The following HS6ST3 variants were observed in gnomAD, a reference collection of about 807,000 sequenced individuals.
The protein encoded by HS6ST3 is heparan-sulfate 6-O-sulfotransferase 3.
HS6ST3 carries 12 observed loss-of-function variants against 36.7 expected under a neutral mutation model. The ratio of observed to expected loss-of-function variants is 0.33; its 90% CI spans 0.21 to 0.53. The LOEUF is 0.53. Ranked by LOEUF, HS6ST3 falls within the 20% of genes least tolerant of loss-of-function variation. The pLI, the probability that HS6ST3 is intolerant of heterozygous loss-of-function variation, is 0.95. For missense variants in HS6ST3, 584 were observed against 640.9 expected (o/e 0.91, Z 0.96); for synonymous variants, 240 against 257.5 (o/e 0.93, Z 0.65).
chr13:96,192,986 G>A (rs896750109), intron 1 of HS6ST3, among the ~76,000 whole-genome samples: 1 of 152,130 alleles, frequency 6.6e-6, no homozygotes, highest in South Asian at 2.1e-4. Flanking sequence ...TGGACTGTCT[G>A]TCAGCCTCCC....
At chr13:96,787,008 A>G (rs1196753138) in intron 1 of HS6ST3, among the ~76,000 whole-genome samples, 1 of 152,144 alleles carries the variant, frequency 6.6e-6, no homozygotes, top group Non-Finnish European at 1.5e-5. Context: ...ACCTTTTTTC[A>G]CATAGCATAT....
At chr13:96,333,697 T>C (rs1049573407) in intron 1 of HS6ST3, among the ~76,000 whole-genome samples, 32 of 152,250 alleles carry the variant, frequency 2.1e-4, no homozygotes, top group South Asian at 8.3e-4. Context: ...GATGTGGATT[T>C]GGGGGTAGGT....
At chr13:96,371,747 A>G (rs2055291157) in intron 1 of HS6ST3, among the ~76,000 whole-genome samples, 1 of 152,172 alleles carries the variant, frequency 6.6e-6, no homozygotes, top group Non-Finnish European at 1.5e-5. Context: ...TTTTTAGCAT[A>G]ATATCTGCCA....
intron 1 of HS6ST3, among the ~76,000 whole-genome samples, chr13:96,584,425 T>C (rs1813862): frequency 0.32 from 49,099 of 152,092 alleles, 9,136 homozygotes; most frequent in Non-Finnish European, 0.43. Flanking sequence ...ATTACAGGTA[T>C]GAGCCACCAC....
intron 1 of HS6ST3, among the ~76,000 whole-genome samples, chr13:96,625,234 T>G (rs1222365336): frequency 1.3e-5 from 2 of 152,218 alleles, no homozygotes; most frequent in Admixed American, 6.5e-5. Context: ...CTCGTGGGAA[T>G]GTCTTATGCT....
chr13:96,597,619 C>T (rs2056406539), intron 1 of HS6ST3, among the ~76,000 whole-genome samples: 1 of 151,674 alleles, frequency 6.6e-6, no homozygotes, highest in Non-Finnish European at 1.5e-5. Context: ...CTAATATTTT[C>T]TCCCATCCCA....
At chr13:96,389,736 A>G (rs1265241812) in intron 1 of HS6ST3, among the ~76,000 whole-genome samples, 1 of 152,218 alleles carries the variant, frequency 6.6e-6, no homozygotes, top group Non-Finnish European at 1.5e-5. Context: ...AAAACCATTT[A>G]GCTGAAACCC....
chr13:96,822,838 C>G (rs1878566272), intron 1 of HS6ST3, among the ~76,000 whole-genome samples: 1 of 152,250 alleles, frequency 6.6e-6, no homozygotes, highest in Admixed American at 6.5e-5. Context: ...CTCCATCTTT[C>G]TGATCCAGAT....
At chr13:96,405,772 A>C (rs901196610) in intron 1 of HS6ST3, among the ~76,000 whole-genome samples, 11 of 152,206 alleles carry the variant, frequency 7.2e-5, no homozygotes, top group African/African-American at 2.7e-4. Flanking sequence ...ACAGGTTTGC[A>C]AGAACAGTAG....
At chr13:96,779,770 A>T (rs796740896) in intron 1 of HS6ST3, among the ~76,000 whole-genome samples, 11 of 27,516 alleles carry the variant, frequency 4.0e-4, no homozygotes, top group African/African-American at 2.9e-3. Flanking sequence ...ATATTTACTT[A>T]AAAAAAAAAA....
intron 1 of HS6ST3, among the ~76,000 whole-genome samples, chr13:96,459,986 A>T (rs897103976): frequency 2.0e-5 from 3 of 152,192 alleles, no homozygotes; most frequent in African/African-American, 7.2e-5. Context: ...TGTAATGATG[A>T]TTAATGGGCA....
At chr13:96,171,055 G>A (rs1213196760) in intron 1 of HS6ST3, among the ~76,000 whole-genome samples, 1 of 152,210 alleles carries the variant, frequency 6.6e-6, no homozygotes, top group Non-Finnish European at 1.5e-5. Flanking sequence ...AGATTAGTTA[G>A]ATACCTTTTT....
intron 1 of HS6ST3, among the ~76,000 whole-genome samples, chr13:96,116,033 G>A (rs2849438): frequency 0.35 from 52,644 of 151,946 alleles, 10,408 homozygotes; most frequent in East Asian, 0.45. Flanking sequence ...TTTATTGGCC[G>A]CATAAATGTC....
chr13:96,599,230 G>A (rs2056412843), intron 1 of HS6ST3, among the ~76,000 whole-genome samples: 1 of 151,956 alleles, frequency 6.6e-6, no homozygotes. Flanking sequence ...ATTCTTCTTT[G>A]AATATCTGGT....
At chr13:96,712,462 T>G (rs1566436038) in intron 1 of HS6ST3, among the ~76,000 whole-genome samples, 2 of 152,174 alleles carry the variant, frequency 1.3e-5, no homozygotes, top group Admixed American at 6.5e-5. Flanking sequence ...CAGTGAGATC[T>G]GAGGCTCACT....
intron 1 of HS6ST3, among the ~76,000 whole-genome samples, chr13:96,741,463 G>C (rs1030485604): frequency 5.9e-5 from 9 of 152,124 alleles, no homozygotes; most frequent in Non-Finnish European, 1.2e-4. Flanking sequence ...TAAACTTCTA[G>C]TTTATAGCTT....
At chr13:96,317,411 T>C (rs1264283348) in intron 1 of HS6ST3, among the ~76,000 whole-genome samples, 19 of 144,668 alleles carry the variant, frequency 1.3e-4, no homozygotes, top group African/African-American at 4.3e-4. Context: ...AATATATATA[T>C]ATATATATCA....
At chr13:96,253,356 G>T (rs2054616579) in intron 1 of HS6ST3, among the ~76,000 whole-genome samples, 1 of 152,156 alleles carries the variant, frequency 6.6e-6, no homozygotes, top group Admixed American at 6.5e-5. Context: ...GGGAAAGTGG[G>T]GCTCTCGCTT....
intron 1 of HS6ST3, among the ~76,000 whole-genome samples, chr13:96,346,078 C>T (rs1416673399): frequency 6.6e-6 from 1 of 152,150 alleles, no homozygotes; most frequent in East Asian, 1.9e-4. Context: ...GGAGGCAGAG[C>T]TCAGGTGGTA....
Sources: gnomAD v4.1 joint callset for allele counts (sites outside exome capture counted in the v4.1 genomes callset) on GRCh38, gnomAD v4.1.1 for gene constraint, MANE v1.5 for transcripts, NCBI Gene and HGNC (gene_info 2026-07-23, HGNC 2026-07-21) for gene names.